CYP7B1: variants seen among roughly 807,000 people sequenced by gnomAD.
The protein encoded by CYP7B1 is cytochrome P450 7B1.
Under a neutral mutation model 42.7 loss-of-function variants are expected in CYP7B1, and 29 were observed. The observed-to-expected ratio is 0.68, with a 90% confidence interval of 0.51 to 0.93. The LOEUF (loss-of-function observed/expected upper bound fraction) is 0.93, where lower values mean the gene tolerates loss of function less well. Ranked by LOEUF, CYP7B1 falls within the 40% of genes least tolerant of loss-of-function variation. The probability of loss-of-function intolerance (pLI) is 0.00; values close to 1 mark genes in which losing one functional copy is unlikely to be tolerated. For synonymous variants in CYP7B1, 235 were observed against 218.2 expected (o/e 1.08, Z -0.68); for missense variants, 655 against 600.5 (o/e 1.09, Z -0.95).
At chr8:64,724,693 C>T (rs1807295730) in intron 1 of CYP7B1, among the ~76,000 whole-genome samples, 1 of 152,078 alleles carries the variant, frequency 6.6e-6, no homozygotes, top group African/African-American at 2.4e-5. Context: ...AATGATACTC[C>T]AAAGTATGAT....
chr8:64,756,491 A>G (rs1033270010), intron 1 of CYP7B1, among the ~76,000 whole-genome samples: 26 of 152,246 alleles, frequency 1.7e-4, no homozygotes, highest in African/African-American at 6.3e-4. Flanking sequence ...GGATAGGAAG[A>G]ACTATCAAAG....
At chr8:64,713,695 T>G (rs1807113659) in intron 1 of CYP7B1, among the ~76,000 whole-genome samples, 1 of 151,712 alleles carries the variant, frequency 6.6e-6, no homozygotes, top group African/African-American at 2.4e-5. Context: ...CTAAAGAAAT[T>G]AAAAAGTAGT....
chr8:64,737,210 C>A (rs778718360), intron 1 of CYP7B1, among the ~76,000 whole-genome samples: 1 of 152,212 alleles, frequency 6.6e-6, no homozygotes, highest in Admixed American at 6.5e-5. Flanking sequence ...TCAATCAATC[C>A]TCTGGTCTCA....
At chr8:64,605,819 G>T (rs955889555) in intron 4 of CYP7B1, among the ~76,000 whole-genome samples, 14 of 151,896 alleles carry the variant, frequency 9.2e-5, no homozygotes, top group African/African-American at 3.4e-4. Context: ...GATAACAAAT[G>T]GTCGTGTTTA....
At chr8:64,796,108 T>C (rs1804698900) in intron 1 of CYP7B1, among the ~76,000 whole-genome samples, 1 of 152,220 alleles carries the variant, frequency 6.6e-6, no homozygotes, top group East Asian at 1.9e-4. Context: ...ATGTAATCTA[T>C]GTATGTATAA....
intron 1 of CYP7B1, among the ~76,000 whole-genome samples, chr8:64,772,580 C>G (rs947877391): frequency 3.9e-5 from 6 of 152,144 alleles, no homozygotes; most frequent in Non-Finnish European, 7.4e-5. Flanking sequence ...CAATTTCTTA[C>G]AGTTTTCTTA....
At chr8:64,639,133 G>GA (rs1338807591) in intron 1 of CYP7B1, among the ~76,000 whole-genome samples, 1 of 150,880 alleles carries the variant, frequency 6.6e-6, no homozygotes, top group Non-Finnish European at 1.5e-5. Flanking sequence ...CACAAACTAA[G>GA]AAAACAGAAG....
chr8:64,658,822 G>A (rs143679334), intron 1 of CYP7B1, among the ~76,000 whole-genome samples: 17 of 152,266 alleles, frequency 1.1e-4, no homozygotes, highest in African/African-American at 3.1e-4. Flanking sequence ...AGCATTATCA[G>A]TTTTTGTTCC....
At chr8:64,734,127 G>C (rs939313883) in intron 1 of CYP7B1, among the ~76,000 whole-genome samples, 2 of 152,082 alleles carry the variant, frequency 1.3e-5, no homozygotes, top group African/African-American at 2.4e-5. Context: ...TTTTTACTCA[G>C]GTATTGTAGT....
intron 1 of CYP7B1, among the ~76,000 whole-genome samples, chr8:64,782,000 A>T (rs1804432203): frequency 6.6e-6 from 1 of 152,202 alleles, no homozygotes; most frequent in East Asian, 1.9e-4. Flanking sequence ...CTAGGCACAG[A>T]GGCTGGCACC....
At chr8:64,705,234 G>A (rs1420191147) in intron 1 of CYP7B1, among the ~76,000 whole-genome samples, 1 of 151,652 alleles carries the variant, frequency 6.6e-6, no homozygotes, top group South Asian at 2.1e-4. Flanking sequence ...AAAGGTGGGG[G>A]GGGGAATCAC....
chr8:64,685,964 G>A (rs1585855084), intron 1 of CYP7B1, among the ~76,000 whole-genome samples: 1 of 37,542 alleles, frequency 2.7e-5, no homozygotes, highest in South Asian at 6.8e-4. Flanking sequence ...CCCCTTCCGG[G>A]AGGTGAGGGG....
intron 1 of CYP7B1, among the ~76,000 whole-genome samples, chr8:64,634,661 A>G (rs908810099): frequency 6.6e-6 from 1 of 152,170 alleles, no homozygotes; most frequent in African/African-American, 2.4e-5. Flanking sequence ...TGCCTTCTAA[A>G]AAGTAGTTGA....
At position 64,771,047 on chromosome 8, in the gene CYP7B1, C is replaced by CTTTTTTTTTTTTTTTTTT. The variant is rs757503820; in HGVS notation, c.122+27401_122+27418dup. Among the ~76,000 whole-genome samples, 84 of 42,498 alleles carry CTTTTTTTTTTTTTTTTTT rather than the reference C, an allele frequency of 2.0e-3. 29 individuals are homozygous for CTTTTTTTTTTTTTTTTTT. Among genetic ancestry groups the CTTTTTTTTTTTTTTTTTT allele is most frequent in the Admixed American group, 3.4e-3 (8 of 2,372 alleles). The allele number at this position is 42,498 out of a possible 152,430, so 27.9% of individuals were successfully genotyped here. On this transcript the variant is annotated intron_variant, in intron 1 of 5. Coordinates refer to ENST00000310193, the MANE Select transcript of CYP7B1 (RefSeq NM_004820.5). Reference sequence around the variant, plus strand: ...AATCTCAAGAGTGGGATATCAGCATCTTTTTTTTTTTTTTTTTTTTTTTTT... The same window carrying CTTTTTTTTTTTTTTTTTT: ...AATCTCAAGAGTGGGATATCAGCATCTTTTTTTTTTTTTTTTTTTTTTTTTTTTTTTTTTTTTTTTTTT...
At chr8:64,756,943 T>C (rs1374375494) in intron 1 of CYP7B1, among the ~76,000 whole-genome samples, 1 of 152,212 alleles carries the variant, frequency 6.6e-6, no homozygotes, top group Non-Finnish European at 1.5e-5. Flanking sequence ...TAGAAACACA[T>C]CTCTGAGTCA....
intron 1 of CYP7B1, among the ~76,000 whole-genome samples, chr8:64,767,457 C>G (rs926040500): frequency 6.6e-6 from 1 of 152,192 alleles, no homozygotes; most frequent in Admixed American, 6.5e-5. Context: ...AAACCAAGCC[C>G]CAGTACTCAG....
At chr8:64,785,899 A>G (rs2129701473) in intron 1 of CYP7B1, among the ~76,000 whole-genome samples, 1 of 152,294 alleles carries the variant, frequency 6.6e-6, no homozygotes, top group Middle Eastern at 3.4e-3. Context: ...AAAACTGACT[A>G]TCATGATGGA....
intron 1 of CYP7B1, among the ~76,000 whole-genome samples, chr8:64,690,901 G>T (rs777133578): frequency 3.9e-5 from 6 of 152,174 alleles, no homozygotes; most frequent in Non-Finnish European, 2.9e-5. Context: ...CTTCCAGTAA[G>T]AAATGGAACC....
At chr8:64,609,074 G>A (rs1271681827) in intron 4 of CYP7B1, among the ~76,000 whole-genome samples, 1 of 152,158 alleles carries the variant, frequency 6.6e-6, no homozygotes, top group Admixed American at 6.5e-5. Context: ...TGCAATCTAG[G>A]AAGTTCAAAG....
Sources: gnomAD v4.1 joint callset for allele counts (sites outside exome capture counted in the v4.1 genomes callset) on GRCh38, gnomAD v4.1.1 for gene constraint, MANE v1.5 for transcripts, NCBI Gene and HGNC (gene_info 2026-07-23, HGNC 2026-07-21) for gene names.